The following LLGL2 variants were observed in gnomAD, a reference collection of about 807,000 sequenced individuals.
The protein encoded by LLGL2 is LLGL scribble cell polarity complex component 2.
A neutral mutation model predicts 123.2 loss-of-function variants in LLGL2; 81 were observed. That is an observed-to-expected ratio of 0.66 (90% CI 0.55 to 0.79). The LOEUF (loss-of-function observed/expected upper bound fraction) is 0.79. Among genes scored for constraint, LLGL2 ranks in the 30% least tolerant of loss-of-function variants. The pLI, the probability that LLGL2 is intolerant of heterozygous loss-of-function variation, is 0.00. For missense variants in LLGL2, 1,273 were observed against 1,414.6 expected, an observed-to-expected ratio of 0.90 and a Z score of 1.61; for synonymous variants, 577 against 594.1, an observed-to-expected ratio of 0.97 and a Z score of 0.42.
In LLGL2 at chr17:75,569,975, G is replaced by A. The variant is rs761379338; in HGVS notation, c.1594G>A (p.Glu532Lys). The A allele has an allele frequency of 5.2e-5, 83 of 1,599,974 alleles. No homozygotes were observed. The highest frequency in any genetic ancestry group is 7.0e-5 in the Non-Finnish European group (82 of 1,171,728). Residue 532 changes from glutamate to lysine, a missense_variant, in exon 15 of 26, where the codon GAA becomes AAA. Transcript: ENST00000392550. ...AGTAGQVLVLELNDEAAEQAV... is the reference protein window; with the variant it reads ...AGTAGQVLVLKLNDEAAEQAV... ...CCACCCTGCGCAGGTGCTGGTACTG[G>A]AACTGAATGACGAGGCAGCGGAGCA...
Position 75,573,266 on chromosome 17 carries a change from A to G in LLGL2, c.2713A>G (p.Lys905Glu). The stretch of plus-strand genomic sequence containing the variant: ...TGGCATCGCCTCCTGCGTCTTCACC[A>G]AATATGGCCAAGGTGTTTGAGCCGG... ...VSGIASCVFT[K>E]YGQGFYLISP... The change falls in exon 20 of 26, where the codon AAA (lysine) becomes GAA (glutamate). Residue 905 changes from lysine (K) to glutamate (E), a missense_variant. Transcript: ENST00000392550. 6.2e-7 allele frequency: 1 copy of G among 1,600,460 alleles called. No homozygotes were observed. Among genetic ancestry groups the G allele is most frequent in the Non-Finnish European group, 8.5e-7 (1 of 1,170,432 alleles).
chr17:75,555,866 G>T (rs534913065), intron 2 of LLGL2, among the ~76,000 whole-genome samples, 180 bp from the exon 3 acceptor site: 1 of 151,708 alleles, frequency 6.6e-6, no homozygotes, highest in South Asian at 2.1e-4. Flanking sequence ...GAGTCACAAA[G>T]GGACAGGGGG....
At chr17:75,538,395 C>G (rs1436735397) in intron 1 of LLGL2, 1 of 152,246 alleles carries the variant, frequency 6.6e-6, no homozygotes, top group Non-Finnish European at 1.5e-5. Context: ...ATAGAAGCCT[C>G]TCTCATCTTG....
At position 75,569,094 on chromosome 17, in the gene LLGL2, G is replaced by T. The variant is rs1012257376; in HGVS notation, c.1439G>T (p.Ser480Ile). 7 of 1,613,384 alleles carry T rather than the reference G, an allele frequency of 4.3e-6. No homozygotes were observed. The highest frequency in any genetic ancestry group is 5.9e-6 in the Non-Finnish European group (7 of 1,179,840). ...GACACGGACCCCAACGAGAACTTCA[G>T]TGCCCAGGGCGAGGACGAGTGGCCC... Reference protein sequence around the residue: ...LTDTDPNENFSAQGEDEWPPL... With the variant: ...LTDTDPNENFIAQGEDEWPPL... Residue 480 changes from serine to isoleucine, a missense_variant, in exon 13 of 26, where the codon AGT becomes ATT. Ser to Ile is a moderately radical substitution (Grantham distance 142, BLOSUM62 -2). Transcript: ENST00000392550.
intron 1 of LLGL2, among the ~76,000 whole-genome samples, chr17:75,540,017 C>G (rs1486886525): frequency 1.3e-5 from 2 of 152,064 alleles, no homozygotes; most frequent in Non-Finnish European, 2.9e-5. Context: ...AGCTCTTGCT[C>G]CTTCTACAGG....
intron 1 of LLGL2, among the ~76,000 whole-genome samples, chr17:75,534,773 G>A (rs1380396077): frequency 6.6e-6 from 1 of 152,238 alleles, no homozygotes; most frequent in Non-Finnish European, 1.5e-5. Context: ...AAGCCACTGA[G>A]CTTGGCAAAG....
At chr17:75,571,389 A>G (rs2147559213) in intron 17 of LLGL2, 1 of 580,396 alleles carries the variant, frequency 1.7e-6, no homozygotes, top group Admixed American at 3.1e-5. Context: ...GTAAATGAGG[A>G]AGTGACAGCT....
At position 75,564,465 on chromosome 17, in the gene LLGL2, G is replaced by A. The variant is rs372869874; in HGVS notation, c.994G>A (p.Val332Ile). 4 of 1,613,392 alleles carry A rather than the reference G, an allele frequency of 2.5e-6. No individual in the cohort carries two copies. The highest frequency in any genetic ancestry group is 3.4e-6 in the Non-Finnish European group (4 of 1,180,010). ...QQTAFDFTSRVIGFTVLTEAD... is the reference protein window; with the variant it reads ...QQTAFDFTSRIIGFTVLTEAD... Reference sequence around the variant, plus strand: ...GACGGCCTTCGACTTCACCTCCCGTGTCATCGGCTTCACTGTCCTCACAGA... The same window carrying A: ...GACGGCCTTCGACTTCACCTCCCGTATCATCGGCTTCACTGTCCTCACAGA... Residue 332 changes from valine (V) to isoleucine (I), a missense_variant, in exon 10 of 26, where the codon GTC becomes ATC. By Grantham distance (29) the Val-to-Ile change is conservative. Transcript: ENST00000392550. The surrounding 1 kb of genome is among the most constrained non-coding windows in gnomAD (Gnocchi z 4.9).
intron 7 of LLGL2, 42 bp from the exon 8 acceptor site, chr17:75,563,289 G>A (rs1294030215): frequency 3.7e-6 from 6 of 1,606,270 alleles, no homozygotes; most frequent in South Asian, 1.1e-5. Context: ...CGCCGCCTCG[G>A]TCCAGCGTGC....
At chr17:75,529,669 TG>T (rs2053704375) in intron 1 of LLGL2, among the ~76,000 whole-genome samples, 1 of 151,922 alleles carries the variant, frequency 6.6e-6, no homozygotes, top group Non-Finnish European at 1.5e-5. Context: ...GAGACCATCC[TG>T]GCCAAGATGG....
In LLGL2 at chr17:75,537,809, C is replaced by T. The variant is rs1392015493; in HGVS notation, c.-30-5588C>T. On this transcript the variant is annotated intron_variant, in intron 1 of 25. Coordinates refer to ENST00000392550, the MANE Select transcript of LLGL2 (RefSeq NM_001031803.2). ...ATGGGAAGGCTTTTTGGAAGGTGAC[C>T]TTTTTTTTTTTTTTTTTTTGAGACA... Among the ~76,000 whole-genome samples the T allele has an allele frequency of 3.5e-4, 45 of 130,210 alleles. No individual in the cohort carries two copies. In the East Asian group the frequency reaches 7.8e-3, roughly 23 times the overall value. 85.4% of individuals were successfully genotyped at this position (130,210 alleles called of 152,430 possible).
chr17:75,525,191 AC>A (rs142268975), upstream of LLGL2: 3,920 of 85,062 alleles, frequency 0.046, 57 homozygotes, highest in Middle Eastern at 0.16. The surrounding 1 kb of genome is among the most constrained non-coding windows in gnomAD (Gnocchi z 4.8). Flanking sequence ...GCCCCCCCGC[AC>A]CCCCCCCCGA....
intron 1 of LLGL2, among the ~76,000 whole-genome samples, chr17:75,528,337 G>A (rs981108617): frequency 3.9e-5 from 6 of 151,926 alleles, no homozygotes; most frequent in Admixed American, 2.6e-4. Flanking sequence ...AGATGGTCTC[G>A]ATCTCCTGAC....
At chr17:75,533,442 C>G (rs561512908) in intron 1 of LLGL2, among the ~76,000 whole-genome samples, 1 of 151,412 alleles carries the variant, frequency 6.6e-6, no homozygotes, top group African/African-American at 2.4e-5. Flanking sequence ...GTAGCTGGGA[C>G]TACAGGCGCC....
chr17:75,558,337 G>C lies in LLGL2; in HGVS notation c.255+101G>C. 1 of 1,298,874 alleles carries C rather than the reference G, an allele frequency of 7.7e-7. No individual in the cohort carries two copies. Among genetic ancestry groups the C allele is most frequent in the Non-Finnish European group, 1.1e-6 (1 of 930,400 alleles). 80.5% of individuals were successfully genotyped at this position (1,298,874 alleles called of 1,614,324 possible). A position where few individuals can be genotyped will look rare whatever the true frequency, so the allele number is the denominator to read the frequency against. On this transcript the variant is annotated intron_variant, in intron 4 of 25. Coordinates refer to ENST00000392550, the MANE Select transcript of LLGL2 (RefSeq NM_001031803.2). This position sits in a 1 kb window ranked among gnomAD's most constrained non-coding sequence, Gnocchi z 4.0. ...GGAGAGGCTGGCATTCGGTGGCCCTGGGTTTGCTGCTGATGGAAAGACCTG... is the reference window on the plus strand; with the variant it reads ...GGAGAGGCTGGCATTCGGTGGCCCTCGGTTTGCTGCTGATGGAAAGACCTG...
chr17:75,569,100 AG>A lies in LLGL2; in HGVS notation c.1448del (p.Gly483AlafsTer51). 1 of 1,613,362 alleles carries A rather than the reference AG, an allele frequency of 6.2e-7. No homozygotes were observed. Among genetic ancestry groups the A allele is most frequent in the African/African-American group, 1.3e-5 (1 of 75,018 alleles). On this transcript the variant is annotated frameshift_variant, in exon 13 of 26. Transcript: ENST00000392550. LOFTEE classifies it high-confidence loss of function. ...GACCCCAACGAGAACTTCAGTGCCC[AG>A]GGCGAGGACGAGTGGCCCCCACTCC... is the stretch of plus-strand genomic sequence containing the variant. ...DTDPNENFSA[Q>X]GEDEWPPLRK... is the part of the protein sequence containing the mutation.
intron 1 of LLGL2, among the ~76,000 whole-genome samples, chr17:75,532,080 T>TACACACACACACACACACAC (rs1444218695): frequency 1.1e-4 from 3 of 28,216 alleles, no homozygotes; most frequent in Non-Finnish European, 2.5e-4. Flanking sequence ...ACACACACTT[T>TACACACACACACACACACAC]TTTTTTTTTT....
intron 2 of LLGL2, among the ~76,000 whole-genome samples, chr17:75,552,056 G>A (rs1840375372): frequency 6.6e-6 from 1 of 151,808 alleles, no homozygotes; most frequent in Non-Finnish European, 1.5e-5. Context: ...TTGAACCCGG[G>A]AGGTGGAGGT....
upstream of LLGL2, among the ~76,000 whole-genome samples, chr17:75,525,546 C>T (rs2053526105): frequency 6.6e-6 from 1 of 151,046 alleles, no homozygotes; most frequent in Non-Finnish European, 1.5e-5. The surrounding 1 kb of genome is among the most constrained non-coding windows in gnomAD (Gnocchi z 4.8). Flanking sequence ...CCGCGCTTCC[C>T]GGGGCCGCGG....
Sources: gnomAD v4.1 joint callset for allele counts (sites outside exome capture counted in the v4.1 genomes callset) on GRCh38, gnomAD v4.1.1 for gene constraint, Gnocchi (gnomAD v3.1) non-coding constraint, MANE v1.5 for transcripts, NCBI Gene and HGNC (gene_info 2026-07-23, HGNC 2026-07-21) for gene names.